The following AGBL4 variants were observed in gnomAD, a reference collection of about 807,000 sequenced individuals.
AGBL4 encodes AGBL carboxypeptidase 4.
Under a neutral mutation model 66.4 loss-of-function variants are expected in AGBL4, and 58 were observed. The observed-to-expected ratio is 0.87, with a 90% CI of 0.71 to 1.09. The LOEUF (loss-of-function observed/expected upper bound fraction) is 1.09, where lower values mean the gene tolerates loss of function less well. Ranked by LOEUF, AGBL4 falls within the 50% of genes least tolerant of loss-of-function variation. AGBL4 has a pLI of 0.00. For missense variants in AGBL4, 579 were observed against 631.0 expected (o/e 0.92, Z 0.88); for synonymous variants, 234 against 222.9 (o/e 1.05, Z -0.44).
chr1:48,539,872 C>T (rs1644036857), intron 11 of AGBL4, 134 bp from the exon 12 acceptor site: 1 of 517,134 alleles, frequency 1.9e-6, no homozygotes, highest in South Asian at 6.7e-5. Flanking sequence ...TATGCGCTGT[C>T]TTTTTTGATC....
At chr1:49,335,801 C>T (rs1249724723) in intron 3 of AGBL4, among the ~76,000 whole-genome samples, 2 of 152,168 alleles carry the variant, frequency 1.3e-5, no homozygotes, top group African/African-American at 4.8e-5. Flanking sequence ...AGGCGTGAGC[C>T]ACCGTGCCTG....
intron 5 of AGBL4, among the ~76,000 whole-genome samples, chr1:49,027,913 A>G (rs1458504341): frequency 6.6e-6 from 1 of 152,160 alleles, no homozygotes; most frequent in Non-Finnish European, 1.5e-5. Flanking sequence ...CCTAGCTCAT[A>G]GAGCAGGGGT....
rs1456213286 is a variant in AGBL4 at position 49,477,590 on chromosome 1, T to C, written c.282+219723A>G. 1.3e-5 allele frequency among the ~76,000 whole-genome samples: 2 copies of C among 152,072 alleles called. 1 individual carries two copies. Among genetic ancestry groups the C allele is most frequent in the Non-Finnish European group, 2.9e-5 (2 of 68,008 alleles). On this transcript the variant is annotated intron_variant, in intron 3 of 13. Coordinates refer to ENST00000371839, the MANE Select transcript of AGBL4 (RefSeq NM_032785.4). ...CTTTCAAACACCTGGAAAGCCTTCC[T>C]GAGAATGACAGGTACAAACAAGGCC...
At position 49,109,286 on chromosome 1, in the gene AGBL4, C is replaced by T. The variant is rs979684836; in HGVS notation, c.378-63486G>A. 2.0e-5 allele frequency among the ~76,000 whole-genome samples: 3 copies of T among 152,182 alleles called. No individual in the cohort carries two copies. In the East Asian group the frequency reaches 5.8e-4, roughly 29 times the overall value. ...AACAGCTACTGTGGAAGCCATCACC[C>T]ACCCAGTGAATCTAGCACTGGAGTG... On this transcript the variant is annotated intron_variant, in intron 4 of 13. Coordinates refer to ENST00000371839, the MANE Select transcript of AGBL4 (RefSeq NM_032785.4).
At chr1:49,034,249 T>C (rs1391040646) in intron 5 of AGBL4, among the ~76,000 whole-genome samples, 1 of 152,144 alleles carries the variant, frequency 6.6e-6, no homozygotes, top group African/African-American at 2.4e-5. Flanking sequence ...TTTCTAAATC[T>C]CTCATAGTAC....
chr1:49,787,953 T>C (rs1347300172), intron 2 of AGBL4, among the ~76,000 whole-genome samples: 1 of 152,162 alleles, frequency 6.6e-6, no homozygotes, highest in Non-Finnish European at 1.5e-5. Context: ...AAATTATATT[T>C]TTTACATAAA....
intron 1 of AGBL4, among the ~76,000 whole-genome samples, chr1:49,886,367 A>G (rs1240677059): frequency 3.3e-5 from 5 of 152,116 alleles, no homozygotes; most frequent in Admixed American, 3.3e-4. Flanking sequence ...CAAGAAGATT[A>G]TGCACGGAGG....
chr1:49,658,140 T>A (rs1335260936), intron 3 of AGBL4, among the ~76,000 whole-genome samples: 2 of 151,924 alleles, frequency 1.3e-5, no homozygotes, highest in African/African-American at 4.8e-5. Context: ...GAATCTACAA[T>A]GAACTCAAAC....
chr1:49,666,566 AAAAT>A (rs1009609708), intron 3 of AGBL4, among the ~76,000 whole-genome samples: 3 of 151,852 alleles, frequency 2.0e-5, no homozygotes, highest in Non-Finnish European at 4.4e-5. Context: ...ACTCTGTCTC[AAAAT>A]AAATAAATAA....
At chr1:50,006,307 C>G (rs1661125324) in intron 1 of AGBL4, among the ~76,000 whole-genome samples, 1 of 150,614 alleles carries the variant, frequency 6.6e-6, no homozygotes, top group Non-Finnish European at 1.5e-5. Flanking sequence ...CCACTGCACT[C>G]CAGCCTGGGC....
At chr1:49,232,302 A>C (rs1351129320) in intron 4 of AGBL4, among the ~76,000 whole-genome samples, 1 of 152,152 alleles carries the variant, frequency 6.6e-6, no homozygotes, top group Non-Finnish European at 1.5e-5. Flanking sequence ...GTTGGCACAT[A>C]TGGAGAGATT....
At chr1:49,194,457 T>G (rs1647185971) in intron 4 of AGBL4, among the ~76,000 whole-genome samples, 1 of 152,244 alleles carries the variant, frequency 6.6e-6, no homozygotes, top group Non-Finnish European at 1.5e-5. Flanking sequence ...GATCATGATT[T>G]TATTTCCATT....
intron 6 of AGBL4, among the ~76,000 whole-genome samples, chr1:48,780,970 C>G (rs1478565308): frequency 6.6e-6 from 1 of 152,176 alleles, no homozygotes; most frequent in Non-Finnish European, 1.5e-5. Flanking sequence ...GTCTGTTCCC[C>G]TTTTTAAGGG....
At chr1:49,750,757 T>C (rs139387674) in intron 2 of AGBL4, among the ~76,000 whole-genome samples, 29 of 152,320 alleles carry the variant, frequency 1.9e-4, no homozygotes, top group Non-Finnish European at 3.2e-4. Context: ...TGTCCTCTCT[T>C]AGTTCCTTGA....
In AGBL4 at chr1:49,045,706, C is replaced by T; in HGVS notation, c.472G>A (p.Glu158Lys). Reference protein sequence around the residue: ...MSFAFCFDREEDIYQFAYCYP... With the variant: ...MSFAFCFDREKDIYQFAYCYP... ...CAGTAAGCAAACTGGTAAATATCTT[C>T]TTCTCGGTCAAAACAAAAGGCAAAG... Residue 158 changes from glutamate to lysine, a missense_variant, in exon 5 of 14, where the codon GAA (glutamate) becomes AAA (lysine). Physicochemically the swap from Glu to Lys is moderately conservative, Grantham distance 56. Transcript: ENST00000371839. The T allele has an allele frequency of 6.4e-7, 1 of 1,555,170 alleles. No homozygotes were observed. The highest frequency in any genetic ancestry group is 1.9e-5 in the Admixed American group (1 of 51,316).
intron 3 of AGBL4, among the ~76,000 whole-genome samples, chr1:49,497,813 C>T (rs1461756589): frequency 6.6e-6 from 1 of 151,920 alleles, no homozygotes; most frequent in Non-Finnish European, 1.5e-5. Flanking sequence ...TAGTGTGATG[C>T]CCCCAGCTGT....
intron 4 of AGBL4, among the ~76,000 whole-genome samples, chr1:49,076,835 A>T (rs548424117): frequency 5.3e-5 from 8 of 152,296 alleles, no homozygotes; most frequent in African/African-American, 1.7e-4. Context: ...CAACACCAGG[A>T]AACAAGCATT....
At chr1:49,037,848 C>T (rs1664788744) in intron 5 of AGBL4, among the ~76,000 whole-genome samples, 1 of 151,946 alleles carries the variant, frequency 6.6e-6, no homozygotes, top group East Asian at 1.9e-4. Flanking sequence ...AGAAGATGCT[C>T]ACTAGATATT....
At chr1:49,477,293 C>A (rs1427082474) in intron 3 of AGBL4, among the ~76,000 whole-genome samples, 1 of 152,058 alleles carries the variant, frequency 6.6e-6, no homozygotes, top group Non-Finnish European at 1.5e-5. Context: ...CAGGTTTGAC[C>A]CAGCACAGTC....
Sources: allele counts gnomAD v4.1 joint callset (sites outside exome capture counted in the v4.1 genomes callset), GRCh38; gene constraint gnomAD v4.1.1; transcripts MANE v1.5; gene names NCBI Gene and HGNC (gene_info 2026-07-23, HGNC 2026-07-21).